Variants in DOCK3 observed in about 807,000 individuals in gnomAD.
DOCK3 encodes dedicator of cytokinesis protein 3.
DOCK3 carries 60 observed loss-of-function variants against 265.6 expected under a neutral mutation model. The observed-to-expected ratio is 0.23, with a 90% CI of 0.18 to 0.28. The LOEUF (loss-of-function observed/expected upper bound fraction) is 0.28. DOCK3 is among the 10% of genes least tolerant of loss of function. The pLI, the probability that DOCK3 is intolerant of heterozygous loss-of-function variation, is 1.00. For synonymous variants in DOCK3, 881 were observed against 938.0 expected, an observed-to-expected ratio of 0.94 and a Z score of 1.11; for missense variants, 1,981 against 2,594.3, an observed-to-expected ratio of 0.76 and a Z score of 5.14.
At chr3:50,869,649 G>A (rs1056457606) in intron 3 of DOCK3, among the ~76,000 whole-genome samples, 1 of 151,906 alleles carries the variant, frequency 6.6e-6, no homozygotes, top group African/African-American at 2.4e-5. Flanking sequence ...TGGGATTACA[G>A]GTGTGAGCCA....
At chr3:51,302,673 T>A (rs562624302) in intron 27 of DOCK3, among the ~76,000 whole-genome samples, 1 of 152,310 alleles carries the variant, frequency 6.6e-6, no homozygotes, top group Admixed American at 6.5e-5. Context: ...CTCCTTCACT[T>A]ATGAAGCTTC....
chr3:50,935,612 G>A (rs779874868), intron 5 of DOCK3, among the ~76,000 whole-genome samples: 6 of 152,116 alleles, frequency 3.9e-5, no homozygotes, highest in African/African-American at 9.7e-5. Flanking sequence ...TCCCTTCCCC[G>A]CTGCATTGGT....
intron 33 of DOCK3, among the ~76,000 whole-genome samples, chr3:51,332,322 G>T (rs1210022735): frequency 6.6e-6 from 1 of 152,250 alleles, no homozygotes; most frequent in African/African-American, 2.4e-5. Flanking sequence ...GAGGATCTCA[G>T]AAGCCAGGCT....
chr3:50,884,090 CTT>C (rs547602978), intron 3 of DOCK3, among the ~76,000 whole-genome samples: 8 of 140,054 alleles, frequency 5.7e-5, no homozygotes, highest in African/African-American at 5.2e-5. Context: ...ATATACCATT[CTT>C]TTTTTTTTTT....
At chr3:51,189,668 G>T (rs1045341149) in intron 12 of DOCK3, among the ~76,000 whole-genome samples, 7 of 152,118 alleles carry the variant, frequency 4.6e-5, no homozygotes, top group Non-Finnish European at 1.0e-4. Context: ...TGGTTTATGG[G>T]CACTTAGGTT....
At chr3:50,795,366 A>G (rs151160068) in intron 2 of DOCK3, among the ~76,000 whole-genome samples, 180 of 152,140 alleles carry the variant, frequency 1.2e-3, no homozygotes, top group East Asian at 3.7e-3. Flanking sequence ...AGGGACACCA[A>G]TGAGTTATGG....
intron 1 of DOCK3, among the ~76,000 whole-genome samples, chr3:50,726,986 A>G (rs113404068): frequency 1.3e-5 from 2 of 152,332 alleles, no homozygotes; most frequent in Admixed American, 1.3e-4. Flanking sequence ...TGTCTTAAAT[A>G]TACACAAACA....
chr3:51,072,873 T>A (rs910950726), intron 6 of DOCK3, among the ~76,000 whole-genome samples: 2 of 134,480 alleles, frequency 1.5e-5, no homozygotes, highest in Non-Finnish European at 3.3e-5. Flanking sequence ...ACCTGGCTAA[T>A]TTTTTTTTTT....
intron 10 of DOCK3, among the ~76,000 whole-genome samples, chr3:51,147,517 T>C (rs1308508085): frequency 6.6e-6 from 1 of 152,078 alleles, no homozygotes; most frequent in Non-Finnish European, 1.5e-5. Context: ...CAGGCCCCCA[T>C]GTGTGATGTT....
intron 3 of DOCK3, among the ~76,000 whole-genome samples, chr3:50,870,370 T>A (rs1315097708): frequency 6.6e-6 from 1 of 152,208 alleles, no homozygotes; most frequent in Non-Finnish European, 1.5e-5. Context: ...ATAGTGTACT[T>A]CTTCAACTCT....
chr3:50,796,987 G>A (rs1477327655), intron 2 of DOCK3, among the ~76,000 whole-genome samples: 1 of 152,116 alleles, frequency 6.6e-6, no homozygotes, highest in Non-Finnish European at 1.5e-5. Context: ...TGGGGGCTGA[G>A]GTGCTCCTGG....
At chr3:50,966,368 T>A (rs1433056315) in intron 5 of DOCK3, among the ~76,000 whole-genome samples, 5 of 152,108 alleles carry the variant, frequency 3.3e-5, no homozygotes, top group Non-Finnish European at 5.9e-5. Flanking sequence ...CTGTTTTAAT[T>A]TTTTTGAGGA....
chr3:51,380,012 AG>A, intron 51 of DOCK3, 112 bp from the exon 52 acceptor site: 1 of 917,766 alleles, frequency 1.1e-6, no homozygotes, highest in Non-Finnish European at 1.6e-6. Context: ...CTCAATGCTG[AG>A]GGGTCCCCAG....
chr3:50,914,001 T>C (rs1157012083), intron 4 of DOCK3, among the ~76,000 whole-genome samples: 1 of 152,080 alleles, frequency 6.6e-6, no homozygotes, highest in Non-Finnish European at 1.5e-5. Flanking sequence ...GGACAGTTGA[T>C]GGAGCCTTGT....
At chr3:51,363,593 C>T (rs372086522) in intron 49 of DOCK3, among the ~76,000 whole-genome samples, 1 of 152,182 alleles carries the variant, frequency 6.6e-6, no homozygotes, top group Non-Finnish European at 1.5e-5. Flanking sequence ...CCCGTTAACT[C>T]GTCATTTACA....
chr3:51,241,533 T>G (rs148441029), intron 21 of DOCK3, among the ~76,000 whole-genome samples: 1 of 152,338 alleles, frequency 6.6e-6, no homozygotes, highest in Admixed American at 6.5e-5. Context: ...TTGGTTCCAT[T>G]CTCCCCGTCT....
chr3:50,949,284 A>G (rs1456452735), intron 5 of DOCK3, among the ~76,000 whole-genome samples: 1 of 152,204 alleles, frequency 6.6e-6, no homozygotes, highest in Non-Finnish European at 1.5e-5. Context: ...ATCAAGAGAA[A>G]AGAACTCTTG....
chr3:50,705,122 G>A (rs567044494), intron 1 of DOCK3, among the ~76,000 whole-genome samples: 4 of 147,752 alleles, frequency 2.7e-5, no homozygotes, highest in South Asian at 2.1e-4. Context: ...TAGTGGTAAC[G>A]TTTGACTCTT....
chr3:50,878,370 T>C (rs935221635), intron 3 of DOCK3, among the ~76,000 whole-genome samples: 1 of 151,878 alleles, frequency 6.6e-6, no homozygotes, highest in African/African-American at 2.4e-5. Context: ...GCAAAGAAGC[T>C]AAAAACCTTG....
Sources: gnomAD v4.1 joint callset for allele counts (sites outside exome capture counted in the v4.1 genomes callset) on GRCh38, gnomAD v4.1.1 for gene constraint, MANE v1.5 for transcripts, NCBI Gene and HGNC (gene_info 2026-07-23, HGNC 2026-07-21) for gene names.